Variants in LINGO2 observed in about 807,000 individuals in gnomAD.
LINGO2 encodes the protein leucine-rich repeat and immunoglobulin-like domain-containing nogo receptor-interacting protein 2.
In LINGO2, 14 loss-of-function variants were observed where a neutral mutation model predicts 30.6. The observed-to-expected ratio is 0.46, with a 90% CI of 0.30 to 0.72. The LOEUF (loss-of-function observed/expected upper bound fraction) is 0.72, where lower values mean the gene tolerates loss of function less well. Ranked by LOEUF, LINGO2 falls within the 30% of genes least tolerant of loss-of-function variation. LINGO2 has a pLI of 0.07. For missense variants in LINGO2, 729 were observed against 751.7 expected (o/e 0.97, Z 0.35); for synonymous variants, 317 against 288.5 (o/e 1.10, Z -1.00).
intron 5 of LINGO2, among the ~76,000 whole-genome samples, chr9:28,010,846 T>TGG (rs1025537462): frequency 4.6e-5 from 7 of 152,172 alleles, no homozygotes; most frequent in African/African-American, 1.7e-4. Context: ...TCCCAGCTAC[T>TGG]GGGGAGGCCG....
At chr9:28,433,951 A>C (rs28482388) in intron 2 of LINGO2, among the ~76,000 whole-genome samples, 809 of 31,506 alleles carry the variant, frequency 0.026, 12 homozygotes, top group Admixed American at 0.068. Flanking sequence ...CTCTCTCTCT[A>C]TATATATATA....
intron 1 of LINGO2, among the ~76,000 whole-genome samples, chr9:28,659,889 C>A (rs2136005336): frequency 6.6e-6 from 1 of 152,118 alleles, no homozygotes; most frequent in East Asian, 1.9e-4. Flanking sequence ...AAATAAAGAC[C>A]TTCATAGACA....
intron 5 of LINGO2, among the ~76,000 whole-genome samples, chr9:27,988,723 G>A (rs890602192): frequency 1.3e-5 from 2 of 151,410 alleles, no homozygotes; most frequent in African/African-American, 4.9e-5. Flanking sequence ...CTTTATAACT[G>A]GCATCACTGT....
At chr9:29,075,889 TA>T in the LINGO2 span, among the ~76,000 whole-genome samples, 1 of 152,194 alleles carries the variant, frequency 6.6e-6, no homozygotes, top group Non-Finnish European at 1.5e-5. Context: ...CTATATTCTT[TA>T]TTTTTTTTAT....
At chr9:29,033,873 G>A in the LINGO2 span, among the ~76,000 whole-genome samples, 1 of 151,990 alleles carries the variant, frequency 6.6e-6, no homozygotes. Flanking sequence ...TTGAGCTCAG[G>A]AGTTCCAGAC....
chr9:28,059,911 G>C (rs1353246771), intron 4 of LINGO2, among the ~76,000 whole-genome samples: 1 of 151,920 alleles, frequency 6.6e-6, no homozygotes, highest in African/African-American at 2.4e-5. Flanking sequence ...GAGAGGCAAA[G>C]GGGAGGGCTT....
intron 2 of LINGO2, among the ~76,000 whole-genome samples, chr9:28,390,123 A>G (rs527517957): frequency 6.6e-6 from 1 of 152,314 alleles, no homozygotes; most frequent in East Asian, 1.9e-4. Flanking sequence ...TGATGGCTCA[A>G]TATTGCCCAA....
chr9:28,414,096 T>C (rs1236473894), intron 2 of LINGO2, among the ~76,000 whole-genome samples: 1 of 151,994 alleles, frequency 6.6e-6, no homozygotes, highest in African/African-American at 2.4e-5. Flanking sequence ...GACAAGTAAG[T>C]GAAAGAGACA....
intron 1 of LINGO2, among the ~76,000 whole-genome samples, chr9:28,579,875 G>T (rs1033377906): frequency 6.6e-6 from 1 of 152,100 alleles, no homozygotes; most frequent in Non-Finnish European, 1.5e-5. Context: ...CTCCTGTCAA[G>T]AATCAATCAG....
chr9:28,656,532 G>A (rs1303387202), intron 1 of LINGO2, among the ~76,000 whole-genome samples: 1 of 151,964 alleles, frequency 6.6e-6, no homozygotes, highest in Non-Finnish European at 1.5e-5. Context: ...GGAAACATCA[G>A]ACACATCCAA....
chr9:27,954,779 T>C lies in LINGO2; in HGVS notation c.-35-4073A>G, dbSNP rs143004309. On this transcript the variant is annotated intron_variant, in intron 5 of 5. Coordinates refer to ENST00000379992, the Ensembl canonical transcript of LINGO2. Reference sequence around the variant, plus strand: ...CTTACAGTCCCAGCAGTGGGATTGCTGGATCATACGAGAGTTCTATTTTTA... The same window carrying C: ...CTTACAGTCCCAGCAGTGGGATTGCCGGATCATACGAGAGTTCTATTTTTA... 2.5e-3 allele frequency among the ~76,000 whole-genome samples: 384 copies of C among 152,340 alleles called. 2 individuals carry two copies. Among genetic ancestry groups the C allele is most frequent in the African/African-American group, 8.5e-3 (354 of 41,578 alleles).
chr9:28,808,082 T>G, the LINGO2 span, among the ~76,000 whole-genome samples: 1 of 152,340 alleles, frequency 6.6e-6, no homozygotes, highest in Non-Finnish European at 1.5e-5. Flanking sequence ...ACACCTCATT[T>G]TCTATCTTAT....
chr9:28,581,315 C>T (rs1824246998), intron 1 of LINGO2, among the ~76,000 whole-genome samples: 1 of 151,708 alleles, frequency 6.6e-6, no homozygotes, highest in Admixed American at 6.6e-5. Context: ...GGAGCCAAAC[C>T]AGCCTCCCAA....
At chr9:28,613,749 A>C (rs1488408953) in intron 1 of LINGO2, among the ~76,000 whole-genome samples, 4 of 152,184 alleles carry the variant, frequency 2.6e-5, no homozygotes, top group African/African-American at 9.6e-5. Context: ...TCTGTTTGTC[A>C]GTCAGAATAG....
chr9:28,147,908 GCCA>G lies in LINGO2; in HGVS notation c.-86-135506_-86-135504del, dbSNP rs567471850. Among the ~76,000 whole-genome samples, 479 of 152,254 alleles carry G rather than the reference GCCA, an allele frequency of 3.1e-3. 4 individuals carry two copies. Among genetic ancestry groups the G allele is most frequent in the African/African-American group, 0.011 (453 of 41,544 alleles). On this transcript the variant is annotated intron_variant, in intron 4 of 5. Transcript: ENST00000379992. The surrounding 1 kb of genome is among the most constrained non-coding windows in gnomAD (Gnocchi z 4.7). ...CTCCCAGATGCCCAGTGTGCACCCG[GCCA>G]CAGAGAAGTGGGTGACTTAGGAGTA...
chr9:28,848,191 C>A, the LINGO2 span, among the ~76,000 whole-genome samples: 1 of 87,666 alleles, frequency 1.1e-5, no homozygotes, highest in African/African-American at 7.5e-5. Flanking sequence ...ACTATATATA[C>A]ACATATATAG....
At chr9:28,464,887 CCT>C (rs1191006466) in intron 2 of LINGO2, among the ~76,000 whole-genome samples, 1 of 152,146 alleles carries the variant, frequency 6.6e-6, no homozygotes, top group African/African-American at 2.4e-5. Flanking sequence ...GGATAGTTCC[CCT>C]GACCAGTTTG....
chr9:28,049,732 T>C (rs1468924853), intron 4 of LINGO2, among the ~76,000 whole-genome samples: 1 of 150,588 alleles, frequency 6.6e-6, no homozygotes, highest in Non-Finnish European at 1.5e-5. Flanking sequence ...AACAGGTCTA[T>C]TTCAAGGGCT....
intron 4 of LINGO2, among the ~76,000 whole-genome samples, chr9:28,122,653 C>T (rs10812743): frequency 0.048 from 7,269 of 152,230 alleles, 221 homozygotes; most frequent in East Asian, 0.19. Flanking sequence ...TGGACTTCTT[C>T]CTGGGAATTA....
Sources: allele counts gnomAD v4.1 joint callset (sites outside exome capture counted in the v4.1 genomes callset), GRCh38; gene constraint gnomAD v4.1.1; non-coding constraint Gnocchi (gnomAD v3.1); transcripts MANE v1.5; gene names NCBI Gene and HGNC (gene_info 2026-07-23, HGNC 2026-07-21).